BLM: variants seen among roughly 807,000 people sequenced by gnomAD.
The protein encoded by BLM is recQ-like DNA helicase BLM.
BLM carries 95 observed loss-of-function variants against 135.3 expected under a neutral mutation model. That is an observed-to-expected ratio of 0.70 (90% confidence interval 0.59 to 0.83). The LOEUF is 0.83. Ranked by LOEUF, BLM falls within the 40% of genes least tolerant of loss-of-function variation. The pLI, the probability that BLM is intolerant of heterozygous loss-of-function variation, is 0.00. For synonymous variants in BLM, 520 were observed against 589.2 expected (o/e 0.88, Z 1.70); for missense variants, 1,518 against 1,663.9 (o/e 0.91, Z 1.53).
chr15:90,762,098 A>G (rs1896002973), intron 7 of BLM, among the ~76,000 whole-genome samples: 3 of 152,182 alleles, frequency 2.0e-5, no homozygotes, highest in South Asian at 4.1e-4. Flanking sequence ...TTATTTTTGT[A>G]TCATGTTAGA....
At chr15:90,750,819 G>A (rs1895661323) in intron 3 of BLM, among the ~76,000 whole-genome samples, 1 of 152,084 alleles carries the variant, frequency 6.6e-6, no homozygotes, top group African/African-American at 2.4e-5. Context: ...TCTATCATAG[G>A]TATGTATGTA....
chr15:90,782,251 G>A (rs1041913512), intron 12 of BLM, among the ~76,000 whole-genome samples: 13 of 152,066 alleles, frequency 8.5e-5, no homozygotes, highest in African/African-American at 3.1e-4. Context: ...AGCTGGGCGC[G>A]ATGGTGGGCA....
Position 90,773,769 on chromosome 15 carries a change from G to A in BLM, c.2555+4183G>A, listed in dbSNP as rs774625890. On this transcript the variant is annotated intron_variant, in intron 12 of 21. Coordinates refer to ENST00000355112, the MANE Select transcript of BLM (RefSeq NM_000057.4). ...GTGACTGACTTCTTTCACTGAGCAT[G>A]TTTTTAAGGTTCCTCCATGTTGTAG... Among the ~76,000 whole-genome samples the A allele has an allele frequency of 3.9e-5, 6 of 152,152 alleles. No homozygotes were observed. The East Asian group carries it at 7.7e-4, about 20-fold the overall frequency.
At chr15:90,805,832 G>A (rs1897274957) in intron 19 of BLM, among the ~76,000 whole-genome samples, 1 of 151,622 alleles carries the variant, frequency 6.6e-6, no homozygotes, top group African/African-American at 2.4e-5. Context: ...CATCCGGCCG[G>A]ATTATTGTAA....
chr15:90,728,959 C>T lies in BLM; in HGVS notation c.-5+11519C>T, dbSNP rs1026987570. On this transcript the variant is annotated intron_variant, in intron 1 of 21. Transcript: ENST00000355112. Reference sequence around the variant, plus strand: ...GTTTGGGAGGCCAAGGTGGGAGTATCGCGGGAGCCCAGAAATTCGAGACCA... The same window carrying T: ...GTTTGGGAGGCCAAGGTGGGAGTATTGCGGGAGCCCAGAAATTCGAGACCA... 1.4e-3 allele frequency among the ~76,000 whole-genome samples: 216 copies of T among 151,902 alleles called. 1 individual carries two copies. The highest frequency in any genetic ancestry group is 4.9e-3 in the African/African-American group (205 of 41,448).
chr15:90,811,487 G>T, intron 21 of BLM, 81 bp downstream of exon 21: 1 of 1,433,030 alleles, frequency 7.0e-7, no homozygotes, highest in African/African-American at 1.4e-5. Context: ...TTGCTTTGAA[G>T]GATTTATTAA....
chr15:90,814,176 A>G (rs1897494692), intron 21 of BLM, among the ~76,000 whole-genome samples: 1 of 152,174 alleles, frequency 6.6e-6, no homozygotes, highest in African/African-American at 2.4e-5. Flanking sequence ...CATTACCCAC[A>G]GGCTGTGGCC....
At chr15:90,792,371 T>G (rs8026723) in intron 15 of BLM, among the ~76,000 whole-genome samples, 26,342 of 151,968 alleles carry the variant, frequency 0.17, 2,356 homozygotes, top group African/African-American at 0.19. Context: ...CTCCCAAAGT[T>G]CTGGGATTAC....
At chr15:90,729,180 C>G (rs530057028) in intron 1 of BLM, among the ~76,000 whole-genome samples, 1 of 151,974 alleles carries the variant, frequency 6.6e-6, no homozygotes. Context: ...CATGGTGGTA[C>G]GCGCTTGTAA....
At chr15:90,801,143 C>T (rs1050909198) in intron 17 of BLM, among the ~76,000 whole-genome samples, 1 of 145,304 alleles carries the variant, frequency 6.9e-6, no homozygotes, top group African/African-American at 2.6e-5. Context: ...AGCAAGACTC[C>T]ATCTCAAAAA....
At chr15:90,754,687 A>T in intron 4 of BLM, 124 bp from the exon 5 acceptor site, 1 of 1,138,782 alleles carries the variant, frequency 8.8e-7, no homozygotes, top group South Asian at 1.5e-5. Context: ...AATTTAAAAA[A>T]CTACTTCTCT....
chr15:90,730,115 A>G (rs921976570), intron 1 of BLM, among the ~76,000 whole-genome samples: 7 of 152,148 alleles, frequency 4.6e-5, no homozygotes, highest in Admixed American at 3.3e-4. Context: ...CGGCCTCCCA[A>G]AGTGCTGGGA....
At chr15:90,762,705 G>A (rs1896018621) in intron 7 of BLM, among the ~76,000 whole-genome samples, 1 of 152,048 alleles carries the variant, frequency 6.6e-6, no homozygotes, top group South Asian at 2.1e-4. Context: ...TGGTGGTCAT[G>A]GTTGGAGGAA....
chr15:90,807,261 C>G (rs1897306071), intron 19 of BLM, among the ~76,000 whole-genome samples: 1 of 152,184 alleles, frequency 6.6e-6, no homozygotes, highest in Non-Finnish European at 1.5e-5. Flanking sequence ...CTCTCAGTAA[C>G]AAAAATGTAG....
intron 21 of BLM, 144 bp downstream of exon 21, chr15:90,811,550 CAATT>C: frequency 1.0e-6 from 1 of 966,478 alleles, no homozygotes; most frequent in Non-Finnish European, 1.5e-6. Context: ...AATGGAGTGA[CAATT>C]AAGGTTTGAT....
chr15:90,759,168 C>T (rs1485073933), intron 5 of BLM, among the ~76,000 whole-genome samples: 1 of 152,032 alleles, frequency 6.6e-6, no homozygotes, highest in Non-Finnish European at 1.5e-5. Context: ...TAGAGACAAC[C>T]CAATTTCAAG....
chr15:90,743,413 G>T (rs536419532), intron 1 of BLM, among the ~76,000 whole-genome samples: 2 of 151,904 alleles, frequency 1.3e-5, no homozygotes, highest in Admixed American at 1.3e-4. Flanking sequence ...TTAGTTTCTG[G>T]TTGCTCATTG....
intron 16 of BLM, among the ~76,000 whole-genome samples, chr15:90,796,766 A>T (rs796841933): frequency 2.0e-4 from 31 of 152,286 alleles, no homozygotes; most frequent in African/African-American, 7.5e-4. Context: ...TGGATCCATT[A>T]TGTTTTGCCA....
At chr15:90,812,267 G>A (rs1464055370) in intron 21 of BLM, among the ~76,000 whole-genome samples, 1 of 152,078 alleles carries the variant, frequency 6.6e-6, no homozygotes, top group Non-Finnish European at 1.5e-5. Flanking sequence ...GTAGCAAGAA[G>A]AAGCCACAAC....
Sources: gnomAD v4.1 joint callset for allele counts (sites outside exome capture counted in the v4.1 genomes callset) on GRCh38, gnomAD v4.1.1 for gene constraint, MANE v1.5 for transcripts, NCBI Gene and HGNC (gene_info 2026-07-23, HGNC 2026-07-21) for gene names.